Variants in OPLAH observed in about 807,000 individuals in gnomAD.
OPLAH encodes 5-oxoprolinase.
OPLAH carries 103 observed loss-of-function variants against 122.8 expected under a neutral mutation model. The observed-to-expected ratio is 0.84, with a 90% CI of 0.71 to 0.99. OPLAH has a LOEUF of 0.99. Ranked by LOEUF, OPLAH falls within the 50% of genes least tolerant of loss-of-function variation. The pLI is 0.00. For synonymous variants in OPLAH, 875 were observed against 796.0 expected (o/e 1.10, Z -1.67); for missense variants, 1,902 against 1,836.5 (o/e 1.04, Z -0.65).
At chr8:144,051,496 G>GC in intron 26 of OPLAH, 24 bp from the exon 27 acceptor site, 2 of 1,250,458 alleles carry the variant, frequency 1.6e-6, no homozygotes, top group Non-Finnish European at 2.2e-6. Flanking sequence ...GGGGGGCGGG[G>GC]AGGCGGGCTC....
upstream of OPLAH, chr8:144,060,831 GCGC>G (rs1444634146): frequency 2.0e-5 from 3 of 152,310 alleles, no homozygotes; most frequent in Admixed American, 2.0e-4. Context: ...TCCTCGCCCT[GCGC>G]TTCCCCGGGC....
downstream of OPLAH, chr8:144,051,086 C>G: frequency 7.4e-7 from 1 of 1,360,524 alleles, no homozygotes; most frequent in Non-Finnish European, 9.4e-7. Context: ...GGCACTGGGA[C>G]GACCCTCAAC....
chr8:144,056,386 T>C lies in OPLAH; in HGVS notation c.1982A>G (p.Lys661Arg). ...KAQTGPPRVD[K>R]MTQCYFEGGY... ...GCTGGCACAGGCAGGACCACCAACC[T>C]TGTCCACCCGGGGAGGCCCGGTCTG... Residue 661 changes from lysine to arginine, a missense_variant and splice_region_variant, in exon 14 of 27, where the codon AAG becomes AGG. This residue lies in a region of OPLAH where 1,726 missense variants were observed against 1,642.1 expected (regional missense o/e 1.05). Transcript: ENST00000618853. 6.2e-7 allele frequency: 1 copy of C among 1,603,892 alleles called. No homozygotes were observed.
chr8:144,056,043 A>T lies in OPLAH; in HGVS notation c.2096+104T>A, dbSNP rs1021425397. The T allele has an allele frequency of 3.3e-6, 5 of 1,506,226 alleles. No homozygotes were observed. The African/African-American group carries it at 6.9e-5, about 21-fold the overall frequency. The allele number at this position is 1,506,226 out of a possible 1,614,324, so 93.3% of individuals were successfully genotyped here. A position where few individuals can be genotyped will look rare whatever the true frequency, so the allele number is the denominator to read the frequency against. ...GGGGCCACCCCAACGATGGTGGGAT[A>T]CAGAGTCCTGCAGGCCCCTGCAGCC... On this transcript the variant is annotated intron_variant, in intron 15 of 26. Coordinates refer to ENST00000618853, the MANE Select transcript of OPLAH (RefSeq NM_017570.5).
Position 144,054,713 on chromosome 8 carries a change from C to G in OPLAH, c.2534G>C (p.Arg845Pro), listed in dbSNP as rs782343821. ...TCGGCTGGCCACATAGAACACAGGC[C>G]GCGTCTGACCCGGCCAAAACACCTA... ...ITPVFWPGQT[R>P]PVFYVASRGH... Residue 845 changes from arginine to proline, a missense_variant, in exon 19 of 27, where the codon CGG becomes CCG. By Grantham distance (103) the Arg-to-Pro change is moderately radical. Coordinates refer to ENST00000618853, the MANE Select transcript of OPLAH (RefSeq NM_017570.5). 4.3e-6 allele frequency: 7 copies of G among 1,612,208 alleles called. No homozygotes were observed. The highest frequency in any genetic ancestry group is 1.6e-4 in the Middle Eastern group (1 of 6,082).
downstream of OPLAH, chr8:144,051,250 G>T (rs1345883261): frequency 3.8e-6 from 6 of 1,588,142 alleles, no homozygotes; most frequent in African/African-American, 5.4e-5. Flanking sequence ...GCACAGACAC[G>T]ACTCGGAGCA....
chr8:144,051,167 G>C (rs145569711), downstream of OPLAH: 502 of 1,435,264 alleles, frequency 3.5e-4, 5 homozygotes, highest in East Asian at 0.013. Context: ...CGGACCACCG[G>C]GCAGTGCGCC....
intron 26 of OPLAH, 109 bp downstream of exon 26, chr8:144,051,620 G>T (rs1288746440): frequency 1.7e-6 from 2 of 1,201,030 alleles, no homozygotes; most frequent in African/African-American, 1.5e-5. Flanking sequence ...TTCCTTCCGG[G>T]GCCAAATTAA....
chr8:144,054,745 G>A lies in OPLAH; in HGVS notation c.2512-10C>T, dbSNP rs560438250. 13 of 1,612,174 alleles carry A rather than the reference G, an allele frequency of 8.1e-6. No individual in the cohort carries two copies. The highest frequency in any genetic ancestry group is 3.3e-5 in the South Asian group (3 of 91,072). ...GACCCGGCCAAAACACCTAGCGGGT[G>A]GAGAGCCACGGTCAGCTGCATCGGC... is the stretch of plus-strand genomic sequence containing the variant. On this transcript the variant is annotated splice_polypyrimidine_tract_variant and intron_variant, in intron 18 of 26. Transcript: ENST00000618853.
Position 144,055,558 on chromosome 8 carries a change from C to G in OPLAH, c.2248+230G>C, listed in dbSNP as rs981276644. ...GCTGTCCTCAGTATCCCTTCCTTAG[C>G]TAGGAGGGCACTCTCTGGATCACAT... is the stretch of plus-strand genomic sequence containing the variant. On this transcript the variant is annotated intron_variant, in intron 16 of 26. Transcript: ENST00000618853. This position sits in a 1 kb window ranked among gnomAD's most constrained non-coding sequence, Gnocchi z 6.5. 4.6e-5 allele frequency among the ~76,000 whole-genome samples: 7 copies of G among 152,108 alleles called. No individual in the cohort carries two copies. Among genetic ancestry groups the G allele is most frequent in the African/African-American group, 1.4e-4 (6 of 41,400 alleles).
rs376113486 is a variant in OPLAH at position 144,057,462 on chromosome 8, G to A, written c.1408C>T (p.Arg470Cys). The A allele has an allele frequency of 1.8e-5, 28 of 1,588,282 alleles. No individual in the cohort carries two copies. The East Asian group carries it at 4.4e-4, about 25-fold the overall frequency. Residue 470 changes from arginine (R) to cysteine (C), a missense_variant, in exon 10 of 27, where the codon CGT (arginine) becomes TGT (cysteine). By Grantham distance (180) the Arg-to-Cys change is radical. Coordinates refer to ENST00000618853, the MANE Select transcript of OPLAH (RefSeq NM_017570.5). ...GGTGGACGTACCTGCGTGAGTGCAC[G>A]GATGGGCCGGCACATGGCCTCGTTG... ...VANEAMCRPIRALTQARGHDP... is the reference protein window; with the variant it reads ...VANEAMCRPICALTQARGHDP...
At chr8:144,061,502 C>A (rs1390810621), upstream of OPLAH, among the ~76,000 whole-genome samples, 1 of 150,436 alleles carries the variant, frequency 6.6e-6, no homozygotes, top group Non-Finnish European at 1.5e-5. Context: ...GGCGACAGAG[C>A]GAGACTCCGT....
chr8:144,052,873 T>C lies in OPLAH; in HGVS notation c.3046A>G (p.Thr1016Ala), dbSNP rs781784577. Residue 1016 changes from threonine (T) to alanine (A), a missense_variant, in exon 22 of 27, where the codon ACT becomes GCT. Around this residue, in one of 3 missense-constraint regions of OPLAH, gnomAD observed 1,726 missense variants for 1,642.1 expected, o/e 1.05. Coordinates refer to ENST00000618853, the MANE Select transcript of OPLAH (RefSeq NM_017570.5). ...QGSAVFDFSG[T>A]GPEVFGNLNA... Reference sequence around the variant, plus strand: ...AGATTACCAAACACCTCCGGCCCAGTGCCGCTGAAGTCAAACACGGCGCTG... The same window carrying C: ...AGATTACCAAACACCTCCGGCCCAGCGCCGCTGAAGTCAAACACGGCGCTG... 55 of 1,554,406 alleles carry C rather than the reference T, an allele frequency of 3.5e-5. No individual in the cohort carries two copies. The highest frequency in any genetic ancestry group is 1.4e-5 in the Non-Finnish European group (16 of 1,149,586).
At chr8:144,059,104 G>T (rs1490456593) in intron 3 of OPLAH, 25 bp from the exon 4 acceptor site, 2 of 1,539,284 alleles carry the variant, frequency 1.3e-6, no homozygotes, top group African/African-American at 1.4e-5. Flanking sequence ...AGACTCAGAA[G>T]AGGCCCAGGC....
Position 144,051,386 on chromosome 8 carries a change from T to A in OPLAH, c.3807A>T (p.Ala1269=), listed in dbSNP as rs1188460879. Residue 1269 remains alanine, a synonymous_variant, in exon 27 of 27, where the codon GCA becomes GCT. Transcript: ENST00000618853. ...CGCTGCCGTGCTCGGGAAAGGCCAG[T>A]GCTTGCGGGGGCGACCCCGGCGGTG... ...PAPPPGSPPQ[A]LAFPEHGSVY... 5 of 1,599,676 alleles carry A rather than the reference T, an allele frequency of 3.1e-6. No homozygotes were observed. The highest frequency in any genetic ancestry group is 4.3e-6 in the Non-Finnish European group (5 of 1,174,442).
intron 19 of OPLAH, among the ~76,000 whole-genome samples, chr8:144,053,815 C>T (rs1173896219): frequency 6.6e-6 from 1 of 150,720 alleles, no homozygotes; most frequent in African/African-American, 2.4e-5. Context: ...CCTGTCTCTC[C>T]TACCCCCACC....
chr8:144,058,861 C>G lies in OPLAH; in HGVS notation c.499G>C (p.Val167Leu), dbSNP rs1554760183. 1 of 1,565,548 alleles carries G rather than the reference C, an allele frequency of 6.4e-7. No individual in the cohort carries two copies. The highest frequency in any genetic ancestry group is 2.4e-5 in the East Asian group (1 of 41,576). The change falls in exon 5 of 27, where the codon GTG (valine) becomes CTG (leucine). Residue 167 changes from valine to leucine, a missense_variant. By Grantham distance (32) the Val-to-Leu change is conservative. Transcript: ENST00000618853. ...TTCCCACGCAGGGCCCCCAGGTCCA[C>G]AGGCTGCTGCACTTCCAGCAGGTCC... ...TGDLLEVQQPVDLGALRGKLE... is the reference protein window; with the variant it reads ...TGDLLEVQQPLDLGALRGKLE...
At chr8:144,059,826 G>C (rs781828928) in intron 2 of OPLAH, 36 bp from the exon 3 acceptor site, 3 of 1,611,028 alleles carry the variant, frequency 1.9e-6, no homozygotes, top group Admixed American at 1.7e-5. Context: ...GCTTCTGGCC[G>C]TGGGGTCCCT....
chr8:144,058,047 T>C lies in OPLAH; in HGVS notation c.1051A>G (p.Thr351Ala). 1 of 1,612,284 alleles carries C rather than the reference T, an allele frequency of 6.2e-7. No individual in the cohort carries two copies. The highest frequency in any genetic ancestry group is 8.5e-7 in the Non-Finnish European group (1 of 1,179,762). ...TLQAPQLDINTVAAGGGSRLF... is the reference protein window; with the variant it reads ...TLQAPQLDINAVAAGGGSRLF... ...CGGGAACCCCCTCCCGCTGCCACGG[T>C]GTTGATGTCCAGCTGCGGGGCCTGG... The change falls in exon 8 of 27, where the codon ACC (threonine) becomes GCC (alanine). Residue 351 changes from threonine (T) to alanine (A), a missense_variant. By Grantham distance (58) the Thr-to-Ala change is moderately conservative. Transcript: ENST00000618853.
Sources: allele counts gnomAD v4.1 joint callset (sites outside exome capture counted in the v4.1 genomes callset), GRCh38; gene constraint gnomAD v4.1.1; regional missense constraint gnomAD v4.1.1; non-coding constraint Gnocchi (gnomAD v3.1); transcripts MANE v1.5; gene names NCBI Gene and HGNC (gene_info 2026-07-23, HGNC 2026-07-21).